The following SLC26A11 variants were observed in gnomAD, a reference collection of about 807,000 sequenced individuals.
The protein encoded by SLC26A11 is sodium-independent sulfate anion transporter.
A neutral mutation model predicts 62.2 loss-of-function variants in SLC26A11; 58 were observed. The ratio of observed to expected loss-of-function variants is 0.93; its 90% CI spans 0.76 to 1.16. The LOEUF (loss-of-function observed/expected upper bound fraction) is 1.16. SLC26A11 is among the 50% of genes most tolerant of loss of function. The pLI, the probability that SLC26A11 is intolerant of heterozygous loss-of-function variation, is 0.00. For missense variants in SLC26A11, 790 were observed against 794.3 expected, an observed-to-expected ratio of 0.99 and a Z score of 0.06; for synonymous variants, 411 against 368.9, an observed-to-expected ratio of 1.11 and a Z score of -1.31.
intron 5 of SLC26A11, 21 bp from the exon 6 acceptor site, chr17:80,225,816 A>T (rs2042392480): frequency 3.7e-6 from 6 of 1,611,166 alleles, no homozygotes; most frequent in Admixed American, 1.7e-5. Flanking sequence ...GCCTCTGATC[A>T]GCATCTCTGT....
chr17:80,227,322 C>G (rs894922435), intron 6 of SLC26A11, among the ~76,000 whole-genome samples: 3 of 152,228 alleles, frequency 2.0e-5, no homozygotes, highest in Non-Finnish European at 4.4e-5. Flanking sequence ...TCTAGAGCCA[C>G]CTGCAGAGAG....
At chr17:80,234,236 C>G (rs1318740474) in intron 7 of SLC26A11, among the ~76,000 whole-genome samples, 1 of 152,148 alleles carries the variant, frequency 6.6e-6, no homozygotes, top group Non-Finnish European at 1.5e-5. Flanking sequence ...AACTCCTGAC[C>G]TCAGGTGATC....
chr17:80,236,817 G>A (rs1365526474), intron 7 of SLC26A11, 111 bp from the exon 8 acceptor site: 2 of 1,160,668 alleles, frequency 1.7e-6, no homozygotes, highest in African/African-American at 3.1e-5. Context: ...CTGTGGCCCG[G>A]TGGGGGCGTC....
Position 80,249,296 on chromosome 17 carries a change from G to T in SLC26A11, c.1656+9G>T. On this transcript the variant is annotated intron_variant, in intron 16 of 17. Coordinates refer to ENST00000361193, the MANE Select transcript of SLC26A11 (RefSeq NM_001166347.2). ...CCTTTGTGGGCCTGCAGGTGGGTGT[G>T]CACTGGGCTGCCTTAGGGGTTAGCA... 6.2e-7 allele frequency: 1 copy of T among 1,609,102 alleles called. No individual in the cohort carries two copies.
chr17:80,227,890 G>T lies in SLC26A11; in HGVS notation c.666G>T (p.Val222=). ...LLVLKLMRDH[V]PPVHPEMPPG... ...TGCTGAAGCTGATGCGGGACCACGT[G>T]CCTCCCGTCCACCCCGAGATGCCCC... Residue 222 remains valine (V), a synonymous_variant, in exon 7 of 18, where the codon GTG becomes GTT. Transcript: ENST00000361193. 6.2e-7 allele frequency: 1 copy of T among 1,602,042 alleles called. No homozygotes were observed.
At chr17:80,227,750 C>A in intron 6 of SLC26A11, 68 bp from the exon 7 acceptor site, 1 of 1,557,578 alleles carries the variant, frequency 6.4e-7, no homozygotes, top group Non-Finnish European at 8.7e-7. Context: ...TAAGCAGCAG[C>A]AGGATGCTTG....
intron 11 of SLC26A11, among the ~76,000 whole-genome samples, chr17:80,245,715 G>T (rs1259819411): frequency 2.0e-5 from 3 of 152,220 alleles, no homozygotes; most frequent in Admixed American, 1.3e-4. Flanking sequence ...AAGGGCCTCG[G>T]CTCTGTCCTG....
chr17:80,245,265 C>T lies in SLC26A11; in HGVS notation c.1097+9C>T, dbSNP rs1450848399. The T allele has an allele frequency of 6.2e-7, 1 of 1,613,546 alleles. No homozygotes were observed. The stretch of plus-strand genomic sequence containing the variant: ...ACAGGCAGCTTTGGACGGTGAGTGA[C>T]CTGTCCGCCTCTTCTGTTTGCCCAC... On this transcript the variant is annotated intron_variant, in intron 11 of 17. Coordinates refer to ENST00000361193, the MANE Select transcript of SLC26A11 (RefSeq NM_001166347.2).
intron 15 of SLC26A11, 21 bp downstream of exon 15, chr17:80,248,695 G>T: frequency 6.4e-7 from 1 of 1,552,394 alleles, no homozygotes. Flanking sequence ...GGGGGTCAAG[G>T]TGGTCTGAGG....
intron 9 of SLC26A11, 77 bp downstream of exon 9, chr17:80,237,671 T>A: frequency 7.3e-7 from 1 of 1,377,792 alleles, no homozygotes; most frequent in Non-Finnish European, 1.0e-6. Flanking sequence ...CTAGCTTGCC[T>A]TTATCCGTTA....
At chr17:80,240,690 C>A (rs1009607743) in intron 9 of SLC26A11, among the ~76,000 whole-genome samples, 1 of 151,886 alleles carries the variant, frequency 6.6e-6, no homozygotes, top group African/African-American at 2.4e-5. Context: ...GTAGTCCCAG[C>A]TACTCAGGAG....
chr17:80,238,641 T>C (rs1405870605), intron 9 of SLC26A11, among the ~76,000 whole-genome samples: 1 of 152,078 alleles, frequency 6.6e-6, no homozygotes, highest in Non-Finnish European at 1.5e-5. Flanking sequence ...GTCACCGTCA[T>C]TTAGTCCTTC....
chr17:80,227,433 C>T (rs1355416580), intron 6 of SLC26A11, among the ~76,000 whole-genome samples: 6 of 152,146 alleles, frequency 3.9e-5, no homozygotes, highest in Non-Finnish European at 2.9e-5. Context: ...AATGTGAGCA[C>T]GTCGCTCTGC....
rs2042483905 is a variant in SLC26A11, at chr17:80,228,744, G to A, written c.736+784G>A. 6.6e-6 allele frequency among the ~76,000 whole-genome samples: 1 copy of A among 152,232 alleles called. No homozygotes were observed. Among genetic ancestry groups the A allele is most frequent in the Non-Finnish European group, 1.5e-5 (1 of 68,036 alleles). On this transcript the variant is annotated intron_variant, in intron 7 of 17. Transcript: ENST00000361193. This position sits in a 1 kb window ranked among gnomAD's most constrained non-coding sequence, Gnocchi z 4.1. ...GAAACACAGTCTACTGGCAGGTCCT[G>A]GGGAGACAGAACAAATTCCGGGGAG...
At chr17:80,236,713 C>T in intron 7 of SLC26A11, 1 of 525,042 alleles carries the variant, frequency 1.9e-6, no homozygotes, top group Non-Finnish European at 3.4e-6. Context: ...GGCATGTGCA[C>T]CTGTCCGCAG....
chr17:80,236,848 C>A, intron 7 of SLC26A11, 80 bp from the exon 8 acceptor site: 4 of 1,481,708 alleles, frequency 2.7e-6, no homozygotes, highest in South Asian at 1.3e-5. Context: ...GGGATGTCTG[C>A]CCCAGTAACC....
chr17:80,237,155 G>A, intron 8 of SLC26A11, 52 bp downstream of exon 8: 1 of 1,577,238 alleles, frequency 6.3e-7, no homozygotes, highest in African/African-American at 1.3e-5. Context: ...GGTGGCCCCT[G>A]GCCTGGCTCC....
intron 10 of SLC26A11, among the ~76,000 whole-genome samples, chr17:80,242,423 T>C (rs1486670721): frequency 1.3e-5 from 2 of 152,222 alleles, no homozygotes; most frequent in African/African-American, 4.8e-5. Flanking sequence ...GGCCTTGGTC[T>C]AGATCCAGGA....
In SLC26A11 at chr17:80,222,017, C is replaced by T; in HGVS notation, c.234+223C>T. ...GGTTATGGAGGGGCCAGCGAGATGA[C>T]TCATGGAGGCCTCAGGAGTTCAAGA... On this transcript the variant is annotated intron_variant, in intron 3 of 17. Coordinates refer to ENST00000361193, the MANE Select transcript of SLC26A11 (RefSeq NM_001166347.2). The surrounding 1 kb of genome is among the most constrained non-coding windows in gnomAD (Gnocchi z 4.7). 1.8e-6 allele frequency: 1 copy of T among 546,754 alleles called. No individual in the cohort carries two copies. The highest frequency in any genetic ancestry group is 3.2e-6 in the Non-Finnish European group (1 of 315,000). The allele number at this position is 546,754 out of a possible 1,614,324, so 33.9% of individuals were successfully genotyped here.
Sources: allele counts gnomAD v4.1 joint callset (sites outside exome capture counted in the v4.1 genomes callset), GRCh38; gene constraint gnomAD v4.1.1; non-coding constraint Gnocchi (gnomAD v3.1); transcripts MANE v1.5; gene names NCBI Gene and HGNC (gene_info 2026-07-23, HGNC 2026-07-21).